PLEKHA5: variants seen among roughly 807,000 people sequenced by gnomAD.
PLEKHA5 encodes pleckstrin homology domain-containing family A member 5.
Under a neutral mutation model 181.9 loss-of-function variants are expected in PLEKHA5, and 55 were observed. That is an observed-to-expected ratio of 0.30 (90% CI 0.24 to 0.38). PLEKHA5 has a LOEUF of 0.38. Ranked by LOEUF, PLEKHA5 falls within the 10% of genes least tolerant of loss-of-function variation. The probability of loss-of-function intolerance (pLI) is 1.00; values close to 1 mark genes in which losing one functional copy is unlikely to be tolerated. For missense variants in PLEKHA5, 1,432 were observed against 1,549.5 expected (o/e 0.92, Z 1.27); for synonymous variants, 535 against 529.4 (o/e 1.01, Z -0.15).
At chr12:19,305,775 G>T (rs2152946035) in intron 15 of PLEKHA5, among the ~76,000 whole-genome samples, 1 of 133,730 alleles carries the variant, frequency 7.5e-6, no homozygotes, top group Middle Eastern at 5.4e-3. Flanking sequence ...CAGGAGAATC[G>T]CTTCAACCTG....
chr12:19,367,920 C>G (rs1270720215), intron 30 of PLEKHA5, among the ~76,000 whole-genome samples: 1 of 151,902 alleles, frequency 6.6e-6, no homozygotes, highest in South Asian at 2.1e-4. Flanking sequence ...AGTAAAAAAC[C>G]ATTCCTACAA....
At chr12:19,247,812 A>G (rs1292089245) in intron 3 of PLEKHA5, among the ~76,000 whole-genome samples, 1 of 151,922 alleles carries the variant, frequency 6.6e-6, no homozygotes, top group African/African-American at 2.4e-5. Flanking sequence ...GACCTTTAGT[A>G]GAGCATAATC....
At chr12:19,181,030 T>C (rs1443401901) in intron 3 of PLEKHA5, among the ~76,000 whole-genome samples, 1 of 72,536 alleles carries the variant, frequency 1.4e-5, no homozygotes, top group Non-Finnish European at 3.2e-5. Context: ...AGGCAGATAG[T>C]TGAAATTGTA....
At chr12:19,160,507 A>G (rs948445450) in intron 3 of PLEKHA5, among the ~76,000 whole-genome samples, 1 of 152,146 alleles carries the variant, frequency 6.6e-6, no homozygotes, top group African/African-American at 2.4e-5. Flanking sequence ...AAAAATGTTA[A>G]TACCTGTACT....
intron 3 of PLEKHA5, 92 bp downstream of exon 3, chr12:19,132,542 A>G: frequency 1.4e-6 from 1 of 708,156 alleles, no homozygotes. Context: ...CTTGATCATG[A>G]TTTTCTGAAG....
chr12:19,134,392 G>T (rs1421569955), intron 3 of PLEKHA5, among the ~76,000 whole-genome samples: 1 of 151,948 alleles, frequency 6.6e-6, no homozygotes, highest in East Asian at 1.9e-4. Context: ...CAGTAATTGT[G>T]TCCAAAAGTA....
intron 7 of PLEKHA5, among the ~76,000 whole-genome samples, chr12:19,261,514 A>G (rs376460607): frequency 3.3e-5 from 5 of 152,276 alleles, no homozygotes; most frequent in Admixed American, 2.0e-4. Flanking sequence ...GTAAATTATT[A>G]ATTCAGTTTT....
chr12:19,278,391 T>C (rs2075179729), intron 11 of PLEKHA5, among the ~76,000 whole-genome samples: 1 of 152,216 alleles, frequency 6.6e-6, no homozygotes, highest in Non-Finnish European at 1.5e-5. Flanking sequence ...ATTTAGATAT[T>C]AGTTTATAAG....
intron 7 of PLEKHA5, among the ~76,000 whole-genome samples, chr12:19,263,307 A>G (rs958387608): frequency 6.6e-6 from 1 of 152,146 alleles, no homozygotes; most frequent in Non-Finnish European, 1.5e-5. Context: ...GGGGAAACTC[A>G]TATACAAAGT....
intron 3 of PLEKHA5, among the ~76,000 whole-genome samples, chr12:19,193,468 CG>C (rs1458856955): frequency 1.3e-5 from 2 of 152,136 alleles, no homozygotes; most frequent in African/African-American, 4.8e-5. Context: ...TATACTTGGA[CG>C]TTTATTCTGA....
intron 20 of PLEKHA5, among the ~76,000 whole-genome samples, chr12:19,335,041 T>TG (rs1310477089): frequency 6.9e-6 from 1 of 144,140 alleles, no homozygotes; most frequent in African/African-American, 2.5e-5. Context: ...TTTTTTTTTT[T>TG]TTCTTTTTGG....
chr12:19,181,931 T>G (rs2048697412), intron 3 of PLEKHA5, among the ~76,000 whole-genome samples: 1 of 152,180 alleles, frequency 6.6e-6, no homozygotes, highest in Admixed American at 6.5e-5. Context: ...AAACTGAGGA[T>G]TATGTGTCTA....
intron 16 of PLEKHA5, among the ~76,000 whole-genome samples, chr12:19,317,613 T>TA (rs1468255608): frequency 6.6e-6 from 1 of 152,094 alleles, no homozygotes; most frequent in Non-Finnish European, 1.5e-5. Flanking sequence ...ATCATGTTCA[T>TA]ATACTCTAAA....
At chr12:19,217,750 T>C (rs1213396690) in intron 3 of PLEKHA5, among the ~76,000 whole-genome samples, 1 of 152,168 alleles carries the variant, frequency 6.6e-6, no homozygotes, top group African/African-American at 2.4e-5. Flanking sequence ...AGAATATTGA[T>C]TGACCTTTAA....
chr12:19,361,498 A>G, intron 28 of PLEKHA5, 84 bp from the exon 29 acceptor site: 1 of 764,152 alleles, frequency 1.3e-6, no homozygotes, highest in South Asian at 1.8e-5. Context: ...TGTTCAATAA[A>G]CTTTATTTTG....
chr12:19,164,155 A>G (rs1172040940), intron 3 of PLEKHA5, among the ~76,000 whole-genome samples: 3 of 143,768 alleles, frequency 2.1e-5, no homozygotes, highest in South Asian at 2.2e-4. Context: ...ACTTGCCCTC[A>G]TTCTTGATAT....
At chr12:19,299,978 T>C (rs193127646) in intron 15 of PLEKHA5, among the ~76,000 whole-genome samples, 53 of 152,330 alleles carry the variant, frequency 3.5e-4, no homozygotes, top group Middle Eastern at 3.4e-3. Flanking sequence ...TGACTCACCA[T>C]TTCTCAGATA....
chr12:19,217,721 C>G (rs1432261557), intron 3 of PLEKHA5, among the ~76,000 whole-genome samples: 1 of 152,096 alleles, frequency 6.6e-6, no homozygotes, highest in African/African-American at 2.4e-5. Flanking sequence ...AAACAGAGAT[C>G]ATTAATGTGG....
At chr12:19,134,156 C>T (rs991706556) in intron 3 of PLEKHA5, among the ~76,000 whole-genome samples, 1 of 151,952 alleles carries the variant, frequency 6.6e-6, no homozygotes, top group Non-Finnish European at 1.5e-5. Flanking sequence ...TAATTTAGAA[C>T]TAAGCTGTTA....
Sources: gnomAD v4.1 joint callset for allele counts (sites outside exome capture counted in the v4.1 genomes callset) on GRCh38, gnomAD v4.1.1 for gene constraint, MANE v1.5 for transcripts, NCBI Gene and HGNC (gene_info 2026-07-23, HGNC 2026-07-21) for gene names.